Variants in MGST1 observed in about 807,000 individuals in gnomAD.
The protein encoded by MGST1 is glutathione S-transferase 12.
In MGST1, 5 loss-of-function variants were observed where a neutral mutation model predicts 8.9. The ratio of observed to expected loss-of-function variants is 0.56; its 90% CI spans 0.29 to 1.19. The LOEUF is 1.19. Among genes scored for constraint, MGST1 ranks in the 50% most tolerant of loss-of-function variants. The probability of loss-of-function intolerance (pLI) is 0.08; values close to 1 mark genes in which losing one functional copy is unlikely to be tolerated. For missense variants in MGST1, 182 were observed against 187.4 expected (o/e 0.97, Z 0.17); for synonymous variants, 54 against 67.8 (o/e 0.80, Z 1.00).
chr12:16,440,264 CACACACAT>C (rs1264992767), downstream of MGST1, among the ~76,000 whole-genome samples: 4 of 151,096 alleles, frequency 2.6e-5, no homozygotes, highest in African/African-American at 9.7e-5. Flanking sequence ...CACACACACA[CACACACAT>C]ACACAGTAAA....
At chr12:16,519,272 C>A (rs1321277646) in intron 4 of MGST1, among the ~76,000 whole-genome samples, 1 of 152,142 alleles carries the variant, frequency 6.6e-6, no homozygotes, top group Admixed American at 6.5e-5. Flanking sequence ...CTTATAACTA[C>A]CATTTTTATG....
rs115447112 is a variant in MGST1 at position 16,510,101 on chromosome 12, A to T, written n.483-79427A>T. Reference sequence around the variant, plus strand: ...TTTTCTCACACAAACCTTAAAAGGAAGCTCAGATAATCCTGGCTTCTTCTT... The same window carrying T: ...TTTTCTCACACAAACCTTAAAAGGATGCTCAGATAATCCTGGCTTCTTCTT... On this transcript the variant is annotated intron_variant and non_coding_transcript_variant, in intron 4 of 4. Transcript: ENST00000538857. Among the ~76,000 whole-genome samples the T allele has an allele frequency of 7.7e-3, 1,176 of 152,344 alleles. 16 individuals are homozygous for T. The highest frequency in any genetic ancestry group is 0.027 in the African/African-American group (1,119 of 41,584).
chr12:16,365,743 G>GCACA (rs769759439), downstream of MGST1, among the ~76,000 whole-genome samples: 20 of 100,374 alleles, frequency 2.0e-4, no homozygotes, highest in African/African-American at 7.6e-4. Context: ...GCGTGCACGC[G>GCACA]CACACACACA....
downstream of MGST1, among the ~76,000 whole-genome samples, chr12:16,368,220 A>C (rs1940228377): frequency 6.6e-6 from 1 of 152,188 alleles, no homozygotes; most frequent in Admixed American, 6.6e-5. Flanking sequence ...TCGGACAACC[A>C]AAGTGTTAAA....
Position 16,524,566 on chromosome 12 carries a change from C to T in MGST1, n.483-64962C>T, listed in dbSNP as rs11056984. 8.4e-3 allele frequency among the ~76,000 whole-genome samples: 1,279 copies of T among 152,108 alleles called. 49 individuals are homozygous for T. The East Asian group carries it at 0.14, about 16-fold the overall frequency. ...TTCATCAAGTCCAAGTCCAGTCAGA[C>T]AACACATACACAAGCAAGATTAGAG... On this transcript the variant is annotated intron_variant and non_coding_transcript_variant, in intron 4 of 4. Coordinates refer to the MGST1 transcript ENST00000538857.
In MGST1 at chr12:16,586,203, T is replaced by C. The variant is rs1457511911; in HGVS notation, n.483-3325T>C. ...TTTTCAGGTAATCTGCCATAAATAC[T>C]ATTTCCTTCAGATGACTTCTTAAAA... On this transcript the variant is annotated intron_variant and non_coding_transcript_variant, in intron 4 of 4. Coordinates refer to the MGST1 transcript ENST00000538857. This position sits in a 1 kb window ranked among gnomAD's most constrained non-coding sequence, Gnocchi z 4.3. Among the ~76,000 whole-genome samples the C allele has an allele frequency of 6.6e-6, 1 of 150,716 alleles. No homozygotes were observed. The highest frequency in any genetic ancestry group is 6.6e-5 in the Admixed American group (1 of 15,180).
intron 4 of MGST1, among the ~76,000 whole-genome samples, chr12:16,481,849 A>G (rs891600066): frequency 3.9e-5 from 6 of 152,282 alleles, no homozygotes; most frequent in South Asian, 4.1e-4. Flanking sequence ...AATACTGAGA[A>G]TTTTTCAGAA....
chr12:16,581,557 C>A (rs1183673084), intron 4 of MGST1, among the ~76,000 whole-genome samples: 2 of 152,134 alleles, frequency 1.3e-5, no homozygotes, highest in African/African-American at 2.4e-5. Flanking sequence ...TAGAGTAAAT[C>A]CTCAAGAAAT....
intron 1 of MGST1, among the ~76,000 whole-genome samples, chr12:16,386,688 G>T (rs1940506900): frequency 6.6e-6 from 1 of 152,132 alleles, no homozygotes; most frequent in Non-Finnish European, 1.5e-5. Context: ...CCCAAACTGT[G>T]TACAGTAGGC....
At chr12:16,412,954 T>G (rs545156843) in intron 1 of MGST1, among the ~76,000 whole-genome samples, 2 of 152,138 alleles carry the variant, frequency 1.3e-5, no homozygotes, top group South Asian at 2.1e-4. Flanking sequence ...GAAAAGGCTC[T>G]TGATTCAAGA....
Position 16,419,690 on chromosome 12 carries a change from C to T in MGST1, n.779-17698C>T, listed in dbSNP as rs561468907. ...TCTATCAAACATCTGAATATCTTTC[C>T]AGTGATTTTAAAACATGACAATTTT... On this transcript the variant is annotated intron_variant and non_coding_transcript_variant, in intron 1 of 1. Transcript: ENST00000359720. 2.6e-5 allele frequency among the ~76,000 whole-genome samples: 4 copies of T among 152,214 alleles called. No individual in the cohort carries two copies. The South Asian group carries it at 8.3e-4, about 32-fold the overall frequency.
rs1238287130 is a variant in MGST1, at chr12:16,478,485, T to A, written n.482+94881T>A. Among the ~76,000 whole-genome samples the A allele has an allele frequency of 2.0e-5, 3 of 152,186 alleles. No homozygotes were observed. The East Asian group carries it at 5.8e-4, about 29-fold the overall frequency. ...ATGACTTTGTAGTTATACTTTGCACTGCCACTTTTCCAAACCTATGTGATT... is the reference window on the plus strand; with the variant it reads ...ATGACTTTGTAGTTATACTTTGCACAGCCACTTTTCCAAACCTATGTGATT... On this transcript the variant is annotated intron_variant and non_coding_transcript_variant, in intron 4 of 4. Coordinates refer to the MGST1 transcript ENST00000538857.
intron 1 of MGST1, among the ~76,000 whole-genome samples, chr12:16,428,973 T>C (rs1453610474): frequency 6.6e-6 from 1 of 152,124 alleles, no homozygotes; most frequent in Non-Finnish European, 1.5e-5. Context: ...TGGGCTAATA[T>C]TGTCTACAAT....
chr12:16,356,170 C>T (rs1939706585), intron 2 of MGST1, among the ~76,000 whole-genome samples: 1 of 152,186 alleles, frequency 6.6e-6, no homozygotes, highest in African/African-American at 2.4e-5. Flanking sequence ...TAGGCTTTAA[C>T]ATACAAGTTT....
rs1048930829 is a variant in MGST1, at chr12:16,537,518, G to A, written n.483-52010G>A. Among the ~76,000 whole-genome samples, 13 of 152,178 alleles carry A rather than the reference G, an allele frequency of 8.5e-5. No individual in the cohort carries two copies. Among genetic ancestry groups the A allele is most frequent in the African/African-American group, 2.2e-4 (9 of 41,446 alleles). On this transcript the variant is annotated intron_variant and non_coding_transcript_variant, in intron 4 of 4. Transcript: ENST00000538857. The surrounding 1 kb of genome is among the most constrained non-coding windows in gnomAD (Gnocchi z 4.6). ...GGCACCAACCCCACATTTCCCTTCC[G>A]CACTGCCCTAGCAGAGATTCTCCAT... is the stretch of plus-strand genomic sequence containing the variant.
chr12:16,351,197 C>G (rs1044899600), intron 1 of MGST1, among the ~76,000 whole-genome samples: 1 of 152,250 alleles, frequency 6.6e-6, no homozygotes, highest in Admixed American at 6.5e-5. Flanking sequence ...AAACTTCACA[C>G]GCTTGCTGTA....
In MGST1 at chr12:16,451,650, C is replaced by T. The variant is rs1434712506; in HGVS notation, n.482+68046C>T. Among the ~76,000 whole-genome samples the T allele has an allele frequency of 2.6e-5, 4 of 151,796 alleles. No individual in the cohort carries two copies. The East Asian group carries it at 7.8e-4, about 30-fold the overall frequency. ...TTTAAACTATATGATATACAGATCA[C>T]TATCTATATTTTTTTAAGAGCATCT... On this transcript the variant is annotated intron_variant and non_coding_transcript_variant, in intron 4 of 4. Coordinates refer to the MGST1 transcript ENST00000538857.
chr12:16,536,724 A>G (rs1941758897), intron 4 of MGST1, among the ~76,000 whole-genome samples: 3 of 152,092 alleles, frequency 2.0e-5, no homozygotes. Flanking sequence ...GGAAGATGCA[A>G]AAGCAGAAAC....
chr12:16,509,694 T>C (rs16911991), intron 4 of MGST1, among the ~76,000 whole-genome samples: 24,034 of 152,162 alleles, frequency 0.16, 2,452 homozygotes, highest in African/African-American at 0.28. Flanking sequence ...CATCTGTTTA[T>C]AGGAGCATGT....
Sources: gnomAD v4.1 joint callset for allele counts (sites outside exome capture counted in the v4.1 genomes callset) on GRCh38, gnomAD v4.1.1 for gene constraint, Gnocchi (gnomAD v3.1) non-coding constraint, MANE v1.5 for transcripts, NCBI Gene and HGNC (gene_info 2026-07-23, HGNC 2026-07-21) for gene names.